Variants in TMEM144 observed in about 807,000 individuals in gnomAD.
The protein encoded by TMEM144 is transmembrane protein 144.
Under a neutral mutation model 43.6 loss-of-function variants are expected in TMEM144, and 39 were observed. That is an observed-to-expected ratio of 0.90 (90% CI 0.69 to 1.17). The LOEUF (loss-of-function observed/expected upper bound fraction) is 1.17, where lower values mean the gene tolerates loss of function less well. Among genes scored for constraint, TMEM144 ranks in the 50% most tolerant of loss-of-function variants. The pLI is 0.00. For missense variants in TMEM144, 417 were observed against 411.9 expected (o/e 1.01, Z -0.11); for synonymous variants, 154 against 133.6 (o/e 1.15, Z -1.06).
chr4:158,229,850 G>A (rs370687785), intron 6 of TMEM144, among the ~76,000 whole-genome samples: 26 of 152,214 alleles, frequency 1.7e-4, no homozygotes, highest in African/African-American at 5.5e-4. Context: ...CCCTGGCTCC[G>A]GCAGTGGAAA....
At chr4:158,227,244 C>T (rs1430650241) in intron 6 of TMEM144, among the ~76,000 whole-genome samples, 7 of 151,702 alleles carry the variant, frequency 4.6e-5, no homozygotes, top group Non-Finnish European at 5.9e-5. Flanking sequence ...GGTGTGCTCA[C>T]GATGAGGTTT....
At position 158,253,438 on chromosome 4, in the gene TMEM144, A is replaced by T. The variant is rs1056980298; in HGVS notation, c.955-6A>T. The T allele has an allele frequency of 3.1e-6, 5 of 1,608,212 alleles. No individual in the cohort carries two copies. In the East Asian group the frequency reaches 8.9e-5, roughly 29 times the overall value. On this transcript the variant is annotated splice_polypyrimidine_tract_variant and splice_region_variant and intron_variant, in intron 12 of 12. Coordinates refer to ENST00000296529, the MANE Select transcript of TMEM144 (RefSeq NM_018342.5). ...TTCATCACTGTTATTCTTTTTTCTT[A>T]TTCAGGGTCTACAAAACTACCTATT...
At chr4:158,245,246 GTGTGTGTGTGTGTGTGTA>G (rs879409457) in intron 12 of TMEM144, among the ~76,000 whole-genome samples, 1,215 of 111,732 alleles carry the variant, frequency 0.011, 7 homozygotes, top group African/African-American at 0.028. Flanking sequence ...GTGTGTGTGT[GTGTGTGTGTGTGTGTGTA>G]TGTATGTTTT....
chr4:158,223,812 T>C (rs548078183), intron 6 of TMEM144, among the ~76,000 whole-genome samples: 1 of 152,242 alleles, frequency 6.6e-6, no homozygotes, highest in Non-Finnish European at 1.5e-5. Context: ...CAGTCTATCA[T>C]TGATGGGCAT....
chr4:158,240,821 TAAG>T (rs1735597419), intron 10 of TMEM144, among the ~76,000 whole-genome samples: 1 of 152,216 alleles, frequency 6.6e-6, no homozygotes. Context: ...CTACAAAATG[TAAG>T]AAGAGATCGT....
intron 4 of TMEM144, among the ~76,000 whole-genome samples, chr4:158,215,750 A>C (rs1170105908): frequency 6.6e-6 from 1 of 152,220 alleles, no homozygotes; most frequent in African/African-American, 2.4e-5. Flanking sequence ...GCTGGTTAAC[A>C]GAAAAGCAAA....
chr4:158,230,100 C>T (rs1161669222), intron 6 of TMEM144, among the ~76,000 whole-genome samples: 2 of 152,204 alleles, frequency 1.3e-5, no homozygotes, highest in Non-Finnish European at 2.9e-5. Flanking sequence ...GTGTTGGGAC[C>T]CTAGGCCCCA....
intron 6 of TMEM144, among the ~76,000 whole-genome samples, chr4:158,225,521 T>G (rs1350708063): frequency 2.0e-5 from 3 of 152,158 alleles, no homozygotes; most frequent in Admixed American, 6.5e-5. Context: ...GGGGCCCCAA[T>G]TGCATCTAAA....
Position 158,241,529 on chromosome 4 carries a change from T to C in TMEM144, c.823T>C (p.Trp275Arg), listed in dbSNP as rs756639381. ...VLPGFLSGVL[W>R]AIATCCWFIA... is the part of the protein sequence containing the mutation. Reference sequence around the variant, plus strand: ...TTCAGGATTCCTGTCAGGAGTACTTTGGGCTATAGCTACCTGCTGTTGGTT... The same window carrying C: ...TTCAGGATTCCTGTCAGGAGTACTTCGGGCTATAGCTACCTGCTGTTGGTT... The change falls in exon 11 of 13, where the codon TGG becomes CGG. Residue 275 changes from tryptophan (W) to arginine (R), a missense_variant. Transcript: ENST00000296529. 1 of 1,613,844 alleles carries C rather than the reference T, an allele frequency of 6.2e-7. No homozygotes were observed. Among genetic ancestry groups the C allele is most frequent in the Non-Finnish European group, 8.5e-7 (1 of 1,179,856 alleles).
intron 12 of TMEM144, among the ~76,000 whole-genome samples, 180 bp downstream of exon 12, chr4:158,244,529 G>T (rs1735791404): frequency 6.6e-6 from 1 of 152,056 alleles, no homozygotes; most frequent in South Asian, 2.1e-4. Flanking sequence ...AAATTAGCTG[G>T]GTGTGGTGGT....
At chr4:158,249,975 T>C (rs1263122059) in intron 12 of TMEM144, among the ~76,000 whole-genome samples, 1 of 150,648 alleles carries the variant, frequency 6.6e-6, no homozygotes, top group Non-Finnish European at 1.5e-5. Context: ...TTCGGGTGCT[T>C]CTATTTGTAG....
Position 158,219,696 on chromosome 4 carries a change from A to G in TMEM144, c.413+306A>G, listed in dbSNP as rs150796714. Among the ~76,000 whole-genome samples the G allele has an allele frequency of 1.9e-3, 294 of 152,332 alleles. 3 individuals carry two copies. The highest frequency in any genetic ancestry group is 6.7e-3 in the African/African-American group (280 of 41,574). On this transcript the variant is annotated intron_variant, in intron 6 of 12. Coordinates refer to ENST00000296529, the MANE Select transcript of TMEM144 (RefSeq NM_018342.5). ...AACACATAGCTTATCAATGAGAATC[A>G]TATATTTTGCAAACTAAAACATGCT...
chr4:158,237,986 C>A (rs1005162663), intron 9 of TMEM144, among the ~76,000 whole-genome samples: 4 of 152,082 alleles, frequency 2.6e-5, no homozygotes, highest in African/African-American at 9.7e-5. Flanking sequence ...AAGTGTAGTA[C>A]ATAGTACTTT....
intron 11 of TMEM144, among the ~76,000 whole-genome samples, chr4:158,242,179 T>G (rs1455650975): frequency 1.3e-5 from 2 of 152,196 alleles, no homozygotes; most frequent in African/African-American, 2.4e-5. Flanking sequence ...CAGAGATTAT[T>G]CTTGAAAAAC....
chr4:158,237,569 C>T lies in TMEM144; in HGVS notation c.608C>T (p.Thr203Ile). Reference protein sequence around the residue: ...AVISGVLYGSTFVPIIYIKDH... With the variant: ...AVISGVLYGSIFVPIIYIKDH... ...ATATCTGGAGTACTCTATGGATCTA[C>T]ATTTGTGCCAATCATCTACATCAAG... Residue 203 changes from threonine (T) to isoleucine (I), a missense_variant, in exon 9 of 13, where the codon ACA (threonine) becomes ATA (isoleucine). Physicochemically the swap from Thr to Ile is moderately conservative, Grantham distance 89 (BLOSUM62 -1). Coordinates refer to ENST00000296529, the MANE Select transcript of TMEM144 (RefSeq NM_018342.5). 1 of 1,614,000 alleles carries T rather than the reference C, an allele frequency of 6.2e-7. No individual in the cohort carries two copies. The highest frequency in any genetic ancestry group is 8.5e-7 in the Non-Finnish European group (1 of 1,179,914).
chr4:158,237,568 A>C lies in TMEM144; in HGVS notation c.607A>C (p.Thr203Pro). ...AVISGVLYGSTFVPIIYIKDH... is the reference protein window; with the variant it reads ...AVISGVLYGSPFVPIIYIKDH... ...GATATCTGGAGTACTCTATGGATCTACATTTGTGCCAATCATCTACATCAA... is the reference window on the plus strand; with the variant it reads ...GATATCTGGAGTACTCTATGGATCTCCATTTGTGCCAATCATCTACATCAA... Residue 203 changes from threonine to proline, a missense_variant, in exon 9 of 13, where the codon ACA becomes CCA. Coordinates refer to ENST00000296529, the MANE Select transcript of TMEM144 (RefSeq NM_018342.5). 6.2e-7 allele frequency: 1 copy of C among 1,614,056 alleles called. No individual in the cohort carries two copies. Among genetic ancestry groups the C allele is most frequent in the Non-Finnish European group, 8.5e-7 (1 of 1,179,928 alleles).
chr4:158,247,843 T>C (rs750781396), intron 12 of TMEM144, among the ~76,000 whole-genome samples: 2 of 151,806 alleles, frequency 1.3e-5, no homozygotes, highest in African/African-American at 2.4e-5. Flanking sequence ...GTATAATTCC[T>C]GTAAAATCCC....
chr4:158,239,169 T>G (rs1359859051), intron 9 of TMEM144, among the ~76,000 whole-genome samples: 2 of 152,186 alleles, frequency 1.3e-5, no homozygotes, highest in Non-Finnish European at 2.9e-5. Flanking sequence ...GTATTTTGCT[T>G]TCTTTTGTGG....
chr4:158,242,243 C>A (rs1013080630), intron 11 of TMEM144, among the ~76,000 whole-genome samples: 1 of 152,108 alleles, frequency 6.6e-6, no homozygotes, highest in South Asian at 2.1e-4. Flanking sequence ...TTACCTTGTG[C>A]GCTTGGTGCT....
Sources: gnomAD v4.1 joint callset for allele counts (sites outside exome capture counted in the v4.1 genomes callset) on GRCh38, gnomAD v4.1.1 for gene constraint, MANE v1.5 for transcripts, NCBI Gene and HGNC (gene_info 2026-07-23, HGNC 2026-07-21) for gene names.